WDR93: variants seen among roughly 807,000 people sequenced by gnomAD.
The protein encoded by WDR93 is WD repeat-containing protein 93.
Under a neutral mutation model 82.9 loss-of-function variants are expected in WDR93, and 73 were observed. That is an observed-to-expected ratio of 0.88 (90% CI 0.73 to 1.07). The LOEUF (loss-of-function observed/expected upper bound fraction) is 1.07. WDR93 is among the 50% of genes least tolerant of loss of function. The pLI is 0.00. For missense variants in WDR93, 738 were observed against 826.0 expected (o/e 0.89, Z 1.31); for synonymous variants, 283 against 300.1 (o/e 0.94, Z 0.59).
In WDR93 at chr15:89,729,190, C is replaced by T. The variant is rs1397839932; in HGVS notation, c.1123+97C>T. The T allele has an allele frequency of 1.5e-5, 17 of 1,170,734 alleles. No homozygotes were observed. The South Asian group carries it at 2.1e-4, about 14-fold the overall frequency. The allele number at this position is 1,170,734 out of a possible 1,614,324, so 72.5% of individuals were successfully genotyped here. A position where few individuals can be genotyped will look rare whatever the true frequency, so the allele number is the denominator to read the frequency against. On this transcript the variant is annotated intron_variant, in intron 10 of 16. Coordinates refer to ENST00000268130, the MANE Select transcript of WDR93 (RefSeq NM_020212.2). The stretch of plus-strand genomic sequence containing the variant: ...CAGAGATGTTCCCCAACAAACCTCG[C>T]ATGGTAGGAGGGAATGAAGAGGGGA...
intron 1 of WDR93, 122 bp from the exon 2 acceptor site, chr15:89,701,585 A>C (rs1965466114): frequency 1.2e-6 from 1 of 815,414 alleles, no homozygotes; most frequent in African/African-American, 1.7e-5. Context: ...TCTGGTAATT[A>C]AGGAAAATGC....
intron 7 of WDR93, among the ~76,000 whole-genome samples, chr15:89,718,266 G>C (rs1966349682): frequency 6.6e-6 from 1 of 152,192 alleles, no homozygotes; most frequent in South Asian, 2.1e-4. Context: ...ACGAGGTCAG[G>C]AGTTTGAGAC....
rs932518338 is a variant in WDR93 at position 89,743,540 on chromosome 15, A to C, written c.*149A>C. 4 of 692,162 alleles carry C rather than the reference A, an allele frequency of 5.8e-6. No homozygotes were observed. The highest frequency in any genetic ancestry group is 5.4e-5 in the African/African-American group (3 of 55,594). 42.9% of individuals were successfully genotyped at this position (692,162 alleles called of 1,614,324 possible). On this transcript the variant is annotated 3_prime_UTR_variant, in exon 17 of 17. Transcript: ENST00000268130. ...GGGCCTCTGCAGAGCCAGCAAGGGG[A>C]AAAGTATAATCTGGGGGACCTTCAA...
chr15:89,719,867 C>G (rs1340459118), intron 7 of WDR93, among the ~76,000 whole-genome samples: 1 of 151,660 alleles, frequency 6.6e-6, no homozygotes, highest in African/African-American at 2.4e-5. Context: ...CTGGCATGAT[C>G]TTGGCTCACT....
At chr15:89,695,609 G>C (rs1377457116) in intron 1 of WDR93, among the ~76,000 whole-genome samples, 1 of 152,122 alleles carries the variant, frequency 6.6e-6, no homozygotes, top group Non-Finnish European at 1.5e-5. Flanking sequence ...GTTATTGCCA[G>C]TACATAGAAA....
At chr15:89,734,289 G>A (rs1312777502) in intron 13 of WDR93, among the ~76,000 whole-genome samples, 2 of 152,142 alleles carry the variant, frequency 1.3e-5, no homozygotes, top group African/African-American at 4.8e-5. Flanking sequence ...TTCTTCTACT[G>A]GTCTCACCTG....
intron 1 of WDR93, among the ~76,000 whole-genome samples, chr15:89,697,642 T>C (rs1277485042): frequency 6.6e-6 from 1 of 152,154 alleles, no homozygotes; most frequent in Admixed American, 6.5e-5. Context: ...TAACTGTCAA[T>C]TGGAAAAAAT....
In WDR93 at chr15:89,724,175, C is replaced by CA. The variant is rs35502769; in HGVS notation, c.880+2045dup. ...GCAACATGGAGAAACCCCATCTCCA[C>CA]AAAAAAAAATACAAAAATTAGCTAG... On this transcript the variant is annotated intron_variant, in intron 8 of 16. Transcript: ENST00000268130. Among the ~76,000 whole-genome samples the CA allele has an allele frequency of 5.0e-3, 747 of 150,116 alleles. 6 individuals carry two copies. Among genetic ancestry groups the CA allele is most frequent in the African/African-American group, 0.017 (707 of 40,782 alleles).
chr15:89,721,985 A>G (rs1966547233), intron 7 of WDR93, 70 bp from the exon 8 acceptor site: 2 of 1,050,474 alleles, frequency 1.9e-6, no homozygotes, highest in Non-Finnish European at 1.4e-6. Flanking sequence ...TTCTTTTAAA[A>G]TTAGTATTTT....
chr15:89,699,145 C>G (rs1965331547), intron 1 of WDR93, among the ~76,000 whole-genome samples: 1 of 152,132 alleles, frequency 6.6e-6, no homozygotes, highest in Non-Finnish European at 1.5e-5. Flanking sequence ...CTACTATACC[C>G]TGATCCTTTT....
intron 8 of WDR93, among the ~76,000 whole-genome samples, chr15:89,723,154 T>C (rs955827401): frequency 6.6e-5 from 10 of 151,920 alleles, no homozygotes; most frequent in Non-Finnish European, 1.2e-4. Context: ...TGAGCTGAGA[T>C]TGTGCCATTG....
At chr15:89,731,790 C>G (rs1033433555) in intron 12 of WDR93, among the ~76,000 whole-genome samples, 1 of 152,210 alleles carries the variant, frequency 6.6e-6, no homozygotes, top group Non-Finnish European at 1.5e-5. Flanking sequence ...AGTGACTTCT[C>G]TGAGCCTGGC....
intron 1 of WDR93, among the ~76,000 whole-genome samples, chr15:89,692,978 GCGTTT>G (rs1411833334): frequency 1.3e-4 from 20 of 152,242 alleles, no homozygotes; most frequent in East Asian, 9.6e-4. Flanking sequence ...ATAGTATGTA[GCGTTT>G]TCTTTTCTTT....
intron 11 of WDR93, 49 bp downstream of exon 11, chr15:89,729,818 A>C (rs746949036): frequency 1.6e-5 from 23 of 1,464,904 alleles, no homozygotes; most frequent in Non-Finnish European, 5.7e-6. Flanking sequence ...ACTTGCAGAC[A>C]TGTCCTTCTC....
intron 8 of WDR93, among the ~76,000 whole-genome samples, chr15:89,724,984 C>T (rs1966676410): frequency 1.3e-5 from 2 of 152,116 alleles, no homozygotes; most frequent in Non-Finnish European, 2.9e-5. Context: ...CCAACCATAC[C>T]AGTTTGCCTG....
chr15:89,741,173 T>A (rs1470916977), intron 16 of WDR93, among the ~76,000 whole-genome samples: 1 of 152,204 alleles, frequency 6.6e-6, no homozygotes, highest in Non-Finnish European at 1.5e-5. Context: ...TAAATATTCT[T>A]TATTTGCTAT....
chr15:89,715,063 A>G lies in WDR93; in HGVS notation c.724A>G (p.Asn242Asp), dbSNP rs1380071560. The change falls in exon 6 of 17, where the codon AAT (asparagine) becomes GAT (aspartate). Residue 242 changes from asparagine to aspartate, a missense_variant. Coordinates refer to ENST00000268130, the MANE Select transcript of WDR93 (RefSeq NM_020212.2). ...ACTAGAGCACCCCCAACTCACTTCAAATCCAAAGAAAAAAGTCAGACAGCC... is the reference window on the plus strand; with the variant it reads ...ACTAGAGCACCCCCAACTCACTTCAGATCCAAAGAAAAAAGTCAGACAGCC... Reference protein sequence around the residue: ...KKLEHPQLTSNPKKKVRQPQL... With the variant: ...KKLEHPQLTSDPKKKVRQPQL... 6.2e-7 allele frequency: 1 copy of G among 1,614,080 alleles called. No homozygotes were observed. Among genetic ancestry groups the G allele is most frequent in the East Asian group, 2.2e-5 (1 of 44,882 alleles).
At chr15:89,706,282 G>GT (rs1369578251) in intron 4 of WDR93, among the ~76,000 whole-genome samples, 1 of 151,512 alleles carries the variant, frequency 6.6e-6, no homozygotes, top group Admixed American at 6.6e-5. Flanking sequence ...TCAAATCAAT[G>GT]AATTCCCGAA....
chr15:89,709,807 C>T (rs1418800890), intron 4 of WDR93, among the ~76,000 whole-genome samples: 2 of 151,858 alleles, frequency 1.3e-5, no homozygotes, highest in African/African-American at 2.4e-5. Flanking sequence ...GAAATGAAAA[C>T]ATTTGTTCAC....
Sources: allele counts gnomAD v4.1 joint callset (sites outside exome capture counted in the v4.1 genomes callset), GRCh38; gene constraint gnomAD v4.1.1; transcripts MANE v1.5; gene names NCBI Gene and HGNC (gene_info 2026-07-23, HGNC 2026-07-21).